ZNF497: variants seen among roughly 807,000 people sequenced by gnomAD.
The protein encoded by ZNF497 is zinc finger-like protein.
For synonymous variants in ZNF497, 422 were observed against 313.7 expected (o/e 1.35, Z -3.65); for missense variants, 930 against 714.0 (o/e 1.30, Z -3.45).
rs1420733724 is a variant in ZNF497, at chr19:58,356,486, T to A, written c.1150A>T (p.Lys384Ter). ...LSHRRTHSGAKPFACADCGKA... is the reference protein window; with the variant it reads ...LSHRRTHSGA The stretch of plus-strand genomic sequence containing the variant: ...CCGCAGTCGGCGCAGGCGAAGGGCT[T>A]GGCGCCCGAGTGCGTGCGCCGGTGG... Residue 384 changes from lysine (K) to a stop codon, truncating the protein, a stop_gained, in exon 3 of 3, where the codon AAG (lysine) becomes TAG (stop). Coordinates refer to ENST00000311044, the MANE Select transcript of ZNF497 (RefSeq NM_198458.3). LOFTEE classifies it low-confidence loss of function (END_TRUNC). 1 of 1,548,230 alleles carries A rather than the reference T, an allele frequency of 6.5e-7. No homozygotes were observed. Among genetic ancestry groups the A allele is most frequent in the Non-Finnish European group, 8.7e-7 (1 of 1,153,174 alleles).
chr19:58,360,993 A>T (rs2052087509), intron 1 of ZNF497, among the ~76,000 whole-genome samples: 1 of 151,720 alleles, frequency 6.6e-6, no homozygotes, highest in South Asian at 2.1e-4. Context: ...CGTGTTAGCC[A>T]GGATGGTCTC....
chr19:58,357,832 G>A (rs1298023498), intron 2 of ZNF497, 183 bp from the exon 3 acceptor site: 2 of 1,241,192 alleles, frequency 1.6e-6, no homozygotes, highest in South Asian at 3.7e-5. Flanking sequence ...ACACTCGGGG[G>A]ATGGGCCAGC....
rs1032793428 is a variant in ZNF497, at chr19:58,359,287, G to A, written c.-111-702C>T. The A allele has an allele frequency of 1.3e-5, 17 of 1,287,250 alleles. No homozygotes were observed. In the African/African-American group the frequency reaches 2.6e-4, roughly 20 times the overall value. The allele number at this position is 1,287,250 out of a possible 1,614,324, so 79.7% of individuals were successfully genotyped here. ...CCATCCTGCCCCTTTCCTGGGAGGG[G>A]AGTGCAGCTGCATGGCCCAGGGTAC... On this transcript the variant is annotated intron_variant, in intron 1 of 2. Coordinates refer to ENST00000311044, the MANE Select transcript of ZNF497 (RefSeq NM_198458.3).
Position 58,356,630 on chromosome 19 carries a change from C to G in ZNF497, c.1006G>C (p.Gly336Arg), listed in dbSNP as rs779121803. The G allele has an allele frequency of 1.3e-6, 2 of 1,543,862 alleles. No individual in the cohort carries two copies. Among genetic ancestry groups the G allele is most frequent in the East Asian group, 2.4e-5 (1 of 41,224 alleles). ...TAGGAGCCCATGACGAAAGCCTGGCCGCACTCGGCGCACTCGAAGGGCCGC... is the reference window on the plus strand; with the variant it reads ...TAGGAGCCCATGACGAAAGCCTGGCGGCACTCGGCGCACTCGAAGGGCCGC... ...GERPFECAECGQAFVMGSYLA... is the reference protein window; with the variant it reads ...GERPFECAECRQAFVMGSYLA... The change falls in exon 3 of 3, where the codon GGC (glycine) becomes CGC (arginine). Residue 336 changes from glycine to arginine, a missense_variant. Physicochemically the swap from Gly to Arg is moderately radical, Grantham distance 125. Coordinates refer to ENST00000311044, the MANE Select transcript of ZNF497 (RefSeq NM_198458.3).
chr19:58,356,343 C>G lies in ZNF497; in HGVS notation c.1293G>C (p.Gln431His), dbSNP rs1371251445. 1 of 1,569,488 alleles carries G rather than the reference C, an allele frequency of 6.4e-7. No homozygotes were observed. Among genetic ancestry groups the G allele is most frequent in the African/African-American group, 1.3e-5 (1 of 74,084 alleles). Residue 431 changes from glutamine (Q) to histidine (H), a missense_variant, in exon 3 of 3, where the codon CAG becomes CAC. By Grantham distance (24) the Gln-to-His change is conservative (BLOSUM62 0). Coordinates refer to ENST00000311044, the MANE Select transcript of ZNF497 (RefSeq NM_198458.3). ...TCTCGCCAGAGTGCAGGCGCTGGTGCTGGCGCAGCTCGGAGCTGCCGCGGA... is the reference window on the plus strand; with the variant it reads ...TCTCGCCAGAGTGCAGGCGCTGGTGGTGGCGCAGCTCGGAGCTGCCGCGGA... ...KAFRGSSELR[Q>H]HQRLHSGERP...
At chr19:58,361,596 A>T (rs2052094588) in intron 1 of ZNF497, among the ~76,000 whole-genome samples, 1 of 151,142 alleles carries the variant, frequency 6.6e-6, no homozygotes, top group African/African-American at 2.4e-5. Flanking sequence ...AGCTCAAGGG[A>T]TCCACCCGCC....
intron 1 of ZNF497, chr19:58,359,562 T>C (rs1011157257): frequency 2.6e-5 from 11 of 429,808 alleles, no homozygotes; most frequent in Non-Finnish European, 4.2e-5. Flanking sequence ...TGCCCTGCCC[T>C]GTCTCCTTGG....
rs767597164 is a variant in ZNF497 at position 58,356,250 on chromosome 19, G to A, written c.1386C>T (p.Arg462=). 6.2e-7 allele frequency: 1 copy of A among 1,606,066 alleles called. No homozygotes were observed. Among genetic ancestry groups the A allele is most frequent in the Non-Finnish European group, 8.5e-7 (1 of 1,177,008 alleles). ...VRKSELLSHR[R]THTGERPYAC... is the part of the protein sequence containing the mutation. The stretch of plus-strand genomic sequence containing the variant: ...CGTAGGGCCTCTCGCCCGTGTGCGT[G>A]CGCCGGTGGCTTAAGAGCTCCGACT... The change falls in exon 3 of 3, where the codon CGC becomes CGT. Residue 462 remains arginine (R), a synonymous_variant. Transcript: ENST00000311044.
rs1043181332 is a variant in ZNF497 at position 58,356,389 on chromosome 19, C to G, written c.1247G>C (p.Cys416Ser). 4 of 1,567,426 alleles carry G rather than the reference C, an allele frequency of 2.6e-6. No homozygotes were observed. In the African/African-American group the frequency reaches 5.4e-5, roughly 21 times the overall value. The change falls in exon 3 of 3, where the codon TGC becomes TCC. Residue 416 changes from cysteine (C) to serine (S), a missense_variant. Physicochemically the swap from Cys to Ser is moderately radical, Grantham distance 112. Coordinates refer to ENST00000311044, the MANE Select transcript of ZNF497 (RefSeq NM_198458.3). ...GCGGAAGGCCTTGCCGCATTCTGCGCAGGCGAAGGGTCGCTCTCCCGTGTG... is the reference window on the plus strand; with the variant it reads ...GCGGAAGGCCTTGCCGCATTCTGCGGAGGCGAAGGGTCGCTCTCCCGTGTG... Reference protein sequence around the residue: ...LSHTGERPFACAECGKAFRGS... With the variant: ...LSHTGERPFASAECGKAFRGS...
rs1326990193 is a variant in ZNF497, at chr19:58,356,161, T to A, written c.1475A>T (p.His492Leu). Residue 492 changes from histidine to leucine, a missense_variant, in exon 3 of 3, where the codon CAC (histidine) becomes CTC (leucine). His to Leu is a moderately conservative substitution (Grantham distance 99). Transcript: ENST00000311044. ...GGGTCAGGGCGCAGCGCGGCCCCCG[T>A]GCCGCTTCTGGTGCTCGTTGAGGTT... is the stretch of plus-strand genomic sequence containing the variant. ...RCNLNEHQKR[H>L]GGRAAP 2 of 1,571,280 alleles carry A rather than the reference T, an allele frequency of 1.3e-6. No individual in the cohort carries two copies. The highest frequency in any genetic ancestry group is 1.7e-6 in the Non-Finnish European group (2 of 1,157,512).
At chr19:58,358,620 G>T in intron 1 of ZNF497, 35 bp from the exon 2 acceptor site, 1 of 1,102,930 alleles carries the variant, frequency 9.1e-7, no homozygotes, top group Non-Finnish European at 1.2e-6. Context: ...AGGGTGAGGT[G>T]TTCAGCCTAG....
intron 1 of ZNF497, among the ~76,000 whole-genome samples, chr19:58,362,098 A>G (rs187972045): frequency 1.3e-5 from 2 of 152,044 alleles, no homozygotes; most frequent in African/African-American, 4.8e-5. Flanking sequence ...GATCAGAGCC[A>G]CCTCCCGCGT....
chr19:58,357,102 G>T lies in ZNF497; in HGVS notation c.534C>A (p.Ile178=), dbSNP rs144482639. 3.9e-5 allele frequency: 63 copies of T among 1,607,846 alleles called. No individual in the cohort carries two copies. The highest frequency in any genetic ancestry group is 5.3e-5 in the Non-Finnish European group (62 of 1,176,062). ...GGCCGCTGTGTGTCTCCTGGTGGTG[G>T]ATGAGCTGCGAGTGCGCGCGGAAGG... The part of the protein sequence containing the change: ...GKAFRAHSQL[I]HHQETHSGLK... Residue 178 remains isoleucine (I), a synonymous_variant, in exon 3 of 3, where the codon ATC becomes ATA. Transcript: ENST00000311044.
chr19:58,357,709 C>T, intron 2 of ZNF497, 60 bp from the exon 3 acceptor site: 6 of 1,447,038 alleles, frequency 4.1e-6, no homozygotes, highest in Non-Finnish European at 5.5e-6. Flanking sequence ...AGACAGAGGG[C>T]CTGAGGGGGA....
Position 58,355,011 on chromosome 19 carries a change from T to G in ZNF497, c.*1128A>C, listed in dbSNP as rs2052002123. ...ACACCAGCCTCGTTGCACCCTCCTC[T>G]TAGCTTCCCTGGGTTCTCCAGCCCT... On this transcript the variant is annotated 3_prime_UTR_variant, in exon 3 of 3. Transcript: ENST00000311044. The G allele has an allele frequency of 6.6e-6, 1 of 152,370 alleles. No homozygotes were observed. The highest frequency in any genetic ancestry group is 6.5e-5 in the Admixed American group (1 of 15,292). The allele number at this position is 152,370 out of a possible 1,614,324, so 9.4% of individuals were successfully genotyped here. A position where few individuals can be genotyped will look rare whatever the true frequency, so the allele number is the denominator to read the frequency against.
intron 2 of ZNF497, 172 bp downstream of exon 2, chr19:58,358,317 G>A (rs752466483): frequency 2.0e-5 from 26 of 1,279,654 alleles, no homozygotes; most frequent in East Asian, 5.6e-5. Context: ...GGGTGGGAGG[G>A]CCTCCTTGGT....
chr19:58,360,240 A>G (rs939628597), intron 1 of ZNF497, among the ~76,000 whole-genome samples: 7 of 152,192 alleles, frequency 4.6e-5, no homozygotes, highest in African/African-American at 1.7e-4. Context: ...ACTGTGCAAC[A>G]CTGAATATAC....
chr19:58,359,056 C>A, intron 1 of ZNF497: 1 of 600,000 alleles, frequency 1.7e-6, no homozygotes, highest in East Asian at 6.0e-5. Flanking sequence ...CCAGCATCTG[C>A]TCCTTGGAGC....
At chr19:58,360,170 G>A (rs1298638143) in intron 1 of ZNF497, among the ~76,000 whole-genome samples, 1 of 152,208 alleles carries the variant, frequency 6.6e-6, no homozygotes, top group Non-Finnish European at 1.5e-5. Flanking sequence ...CTGCAGGGAA[G>A]AGAGAAATGG....
Sources: gnomAD v4.1 joint callset for allele counts (sites outside exome capture counted in the v4.1 genomes callset) on GRCh38, gnomAD v4.1.1 for gene constraint, MANE v1.5 for transcripts, NCBI Gene and HGNC (gene_info 2026-07-23, HGNC 2026-07-21) for gene names.